Variants in CRHR2 observed in about 807,000 individuals in gnomAD.
CRHR2 encodes corticotropin releasing hormone receptor 2.
Under a neutral mutation model 57.9 loss-of-function variants are expected in CRHR2, and 53 were observed. That is an observed-to-expected ratio of 0.92 (90% CI 0.73 to 1.15). CRHR2 has a LOEUF of 1.15. Among genes scored for constraint, CRHR2 ranks in the 50% most tolerant of loss-of-function variants. The pLI is 0.00. For missense variants in CRHR2, 532 were observed against 542.6 expected, an observed-to-expected ratio of 0.98 and a Z score of 0.19; for synonymous variants, 213 against 220.9, an observed-to-expected ratio of 0.96 and a Z score of 0.32.
intron 2 of CRHR2, among the ~76,000 whole-genome samples, chr7:30,671,160 G>C (rs1784339413): frequency 6.6e-6 from 1 of 152,134 alleles, no homozygotes; most frequent in South Asian, 2.1e-4. Context: ...TTGCCTCTTA[G>C]AAATATTACA....
Position 30,660,641 on chromosome 7 carries a change from A to G in CRHR2, c.763T>C (p.Trp255Arg), listed in dbSNP as rs751455773. Reference sequence around the variant, plus strand: ...AGGTCGCCAGGCTCCTTGCCAAACCAGCACCTGTGAAGATGGGGTGGCTGT... The same window carrying G: ...AGGTCGCCAGGCTCCTTGCCAAACCGGCACCTGTGAAGATGGGGTGGCTGT... ...GKLYYENEQC[W>R]FGKEPGDLVD... is the part of the protein sequence containing the mutation. The change falls in exon 8 of 12, where the codon TGG (tryptophan) becomes CGG (arginine). Residue 255 changes from tryptophan (W) to arginine (R), a missense_variant. Physicochemically the swap from Trp to Arg is moderately radical, Grantham distance 101 (BLOSUM62 -3). Transcript: ENST00000471646. The G allele has an allele frequency of 8.6e-5, 135 of 1,566,690 alleles. No homozygotes were observed. Among genetic ancestry groups the G allele is most frequent in the Non-Finnish European group, 1.1e-4 (131 of 1,155,538 alleles).
Position 30,665,259 on chromosome 7 carries a change from G to C in CRHR2, c.426-72C>G. ...GGGACTGGGTTCCCCCTGAGGCCAG[G>C]TAGAGACTCAGCCTGGGATGAGGGC... is the stretch of plus-strand genomic sequence containing the variant. On this transcript the variant is annotated intron_variant, in intron 4 of 11. Transcript: ENST00000471646. This position sits in a 1 kb window ranked among gnomAD's most constrained non-coding sequence, Gnocchi z 4.5. 7.5e-7 allele frequency: 1 copy of C among 1,325,996 alleles called. No homozygotes were observed. Among genetic ancestry groups the C allele is most frequent in the Non-Finnish European group, 1.1e-6 (1 of 922,468 alleles). 82.1% of individuals were successfully genotyped at this position (1,325,996 alleles called of 1,614,324 possible).
At chr7:30,697,018 C>G (rs1414895162) in intron 1 of CRHR2, among the ~76,000 whole-genome samples, 1 of 152,172 alleles carries the variant, frequency 6.6e-6, no homozygotes, top group Non-Finnish European at 1.5e-5. Context: ...AGAAAACGCT[C>G]AGAAGGGAGT....
chr7:30,685,760 C>T (rs1416682105), upstream of CRHR2, among the ~76,000 whole-genome samples: 2 of 152,188 alleles, frequency 1.3e-5, no homozygotes, highest in Non-Finnish European at 1.5e-5. Context: ...GTTTCCCTCC[C>T]TTACTTCTCC....
chr7:30,669,599 C>T (rs995977261), intron 2 of CRHR2, among the ~76,000 whole-genome samples: 3 of 152,140 alleles, frequency 2.0e-5, no homozygotes, highest in African/African-American at 7.2e-5. Context: ...AGTCAACTCC[C>T]CTCCTGCCCA....
chr7:30,691,195 C>T (rs1048931308), intron 1 of CRHR2, among the ~76,000 whole-genome samples: 2 of 152,172 alleles, frequency 1.3e-5, no homozygotes, highest in African/African-American at 4.8e-5. Context: ...CTAGGTCTGA[C>T]CCATCACCCT....
chr7:30,656,079 G>T lies in CRHR2; in HGVS notation c.832-67C>A. ...GCACGTGTTTGAGATGAGCCGAGAG[G>T]CAGCCCCCTTCCCCGCAGACCCCTG... On this transcript the variant is annotated intron_variant, in intron 8 of 11. Coordinates refer to ENST00000471646, the MANE Select transcript of CRHR2 (RefSeq NM_001883.5). The surrounding 1 kb of genome is among the most constrained non-coding windows in gnomAD (Gnocchi z 4.4). 1 of 1,472,446 alleles carries T rather than the reference G, an allele frequency of 6.8e-7. No homozygotes were observed. The highest frequency in any genetic ancestry group is 9.5e-7 in the Non-Finnish European group (1 of 1,055,582). The allele number at this position is 1,472,446 out of a possible 1,614,324, so 91.2% of individuals were successfully genotyped here. A position where few individuals can be genotyped will look rare whatever the true frequency, so the allele number is the denominator to read the frequency against.
intron 1 of CRHR2, among the ~76,000 whole-genome samples, chr7:30,697,175 G>A (rs1688049096): frequency 6.6e-6 from 1 of 152,142 alleles, no homozygotes; most frequent in African/African-American, 2.4e-5. Context: ...GAGGGTCCAG[G>A]GACTGCCAGG....
At chr7:30,687,008 CTATT>C (rs1160753940), upstream of CRHR2, among the ~76,000 whole-genome samples, 2 of 152,190 alleles carry the variant, frequency 1.3e-5, no homozygotes, top group East Asian at 1.9e-4. Context: ...AGTCACTTAT[CTATT>C]TATTTCTATT....
chr7:30,694,842 T>A (rs1221042167), intron 1 of CRHR2, among the ~76,000 whole-genome samples: 1 of 110,598 alleles, frequency 9.0e-6, no homozygotes, highest in Non-Finnish European at 1.8e-5. Flanking sequence ...TGCAGAGGAG[T>A]AGGAAAAGGG....
At chr7:30,667,411 G>C in intron 2 of CRHR2, 98 bp from the exon 3 acceptor site, 1 of 906,632 alleles carries the variant, frequency 1.1e-6, no homozygotes, top group Non-Finnish European at 1.8e-6. Context: ...ACGCACCTCA[G>C]CTCTCCTAGG....
chr7:30,686,308 C>T (rs1584135647), upstream of CRHR2: 13 of 1,415,262 alleles, frequency 9.2e-6, no homozygotes, highest in East Asian at 3.3e-4. Context: ...CAGGGCTGGT[C>T]CTGGTTCACT....
intron 2 of CRHR2, among the ~76,000 whole-genome samples, chr7:30,670,700 A>T (rs975941753): frequency 3.3e-5 from 5 of 152,094 alleles, no homozygotes; most frequent in Non-Finnish European, 5.9e-5. Flanking sequence ...AAAGAATCTC[A>T]TCCACCCCGT....
At chr7:30,692,534 C>T (rs1171395199) in intron 1 of CRHR2, among the ~76,000 whole-genome samples, 1 of 152,134 alleles carries the variant, frequency 6.6e-6, no homozygotes, top group African/African-American at 2.4e-5. Flanking sequence ...GCCATAGGAA[C>T]AGCAGTAAGA....
In CRHR2 at chr7:30,681,937, G is replaced by T. The variant is rs1331263446; in HGVS notation, c.207C>A (p.Asn69Lys). The T allele has an allele frequency of 1.2e-6, 2 of 1,612,218 alleles. No homozygotes were observed. Among genetic ancestry groups the T allele is most frequent in the Non-Finnish European group, 1.7e-6 (2 of 1,179,534 alleles). ...LVERPCPEYF[N>K]GVKYNTTRNA... ...CACGGGTCGTGTTGTACTTGACGCC[G>T]TTGAAGTACTCGGGGCACGGCCTCT... Residue 69 changes from asparagine to lysine, a missense_variant, in exon 2 of 12, where the codon AAC (asparagine) becomes AAA (lysine). Physicochemically the swap from Asn to Lys is moderately conservative, Grantham distance 94. Transcript: ENST00000471646.
At position 30,655,226 on chromosome 7, in the gene CRHR2, T is replaced by C. The variant is rs553362147; in HGVS notation, c.1054-146A>G. 209 of 910,350 alleles carry C rather than the reference T, an allele frequency of 2.3e-4. 3 individuals carry two copies. In the East Asian group the frequency reaches 4.2e-3, roughly 18 times the overall value. 56.4% of individuals were successfully genotyped at this position (910,350 alleles called of 1,614,324 possible). Reference sequence around the variant, plus strand: ...GTCAGAGCTGGGTGGGGTCCTAGCCTCAGGGTGCAGATATTCCACGGTCCA... The same window carrying C: ...GTCAGAGCTGGGTGGGGTCCTAGCCCCAGGGTGCAGATATTCCACGGTCCA... On this transcript the variant is annotated intron_variant, in intron 10 of 11. Transcript: ENST00000471646.
rs890287009 is a variant in CRHR2 at position 30,681,828 on chromosome 7, C to T, written c.229+87G>A. On this transcript the variant is annotated intron_variant, in intron 2 of 11. Transcript: ENST00000471646. ...TACCGCGGCCGTCAGCAGCTTTGTA[C>T]CGCTGGGTCCGGAATCCTCTTTACT... The T allele has an allele frequency of 6.7e-6, 10 of 1,489,402 alleles. No individual in the cohort carries two copies. In the South Asian group the frequency reaches 1.1e-4, roughly 17 times the overall value. 92.3% of individuals were successfully genotyped at this position (1,489,402 alleles called of 1,614,324 possible).
At chr7:30,669,427 C>A (rs768679383) in intron 2 of CRHR2, among the ~76,000 whole-genome samples, 1 of 152,092 alleles carries the variant, frequency 6.6e-6, no homozygotes, top group Non-Finnish European at 1.5e-5. Flanking sequence ...ACTTGTTTCC[C>A]GAATATGATA....
At position 30,656,354 on chromosome 7, in the gene CRHR2, C is replaced by A. The variant is rs1265529657; in HGVS notation, c.832-342G>T. 6.6e-6 allele frequency among the ~76,000 whole-genome samples: 1 copy of A among 152,210 alleles called. No individual in the cohort carries two copies. Among genetic ancestry groups the A allele is most frequent in the Non-Finnish European group, 1.5e-5 (1 of 68,030 alleles). ...AGTATAGGGACCCTATGGGAGCCCC[C>A]TTCCCCTCACTGCCACGGGGTCCCT... On this transcript the variant is annotated intron_variant, in intron 8 of 11. Coordinates refer to ENST00000471646, the MANE Select transcript of CRHR2 (RefSeq NM_001883.5). The surrounding 1 kb of genome is among the most constrained non-coding windows in gnomAD (Gnocchi z 4.4).
Sources: allele counts gnomAD v4.1 joint callset (sites outside exome capture counted in the v4.1 genomes callset), GRCh38; gene constraint gnomAD v4.1.1; non-coding constraint Gnocchi (gnomAD v3.1); transcripts MANE v1.5; gene names NCBI Gene and HGNC (gene_info 2026-07-23, HGNC 2026-07-21).